MAST4: variants seen among roughly 807,000 people sequenced by gnomAD.
The protein encoded by MAST4 is microtubule associated serine/threonine kinase family member 4.
A neutral mutation model predicts 162.7 loss-of-function variants in MAST4; 89 were observed. The ratio of observed to expected loss-of-function variants is 0.55; its 90% CI spans 0.46 to 0.65. The LOEUF (loss-of-function observed/expected upper bound fraction) is 0.65, where lower values mean the gene tolerates loss of function less well. MAST4 is among the 30% of genes least tolerant of loss of function. The pLI, the probability that MAST4 is intolerant of heterozygous loss-of-function variation, is 0.00. For missense variants in MAST4, 3,153 were observed against 3,374.0 expected, an observed-to-expected ratio of 0.93 and a Z score of 1.62; for synonymous variants, 1,479 against 1,361.1, an observed-to-expected ratio of 1.09 and a Z score of -1.91.
chr5:66,886,868 C>T (rs1345141323), intron 3 of MAST4, among the ~76,000 whole-genome samples: 1 of 151,446 alleles, frequency 6.6e-6, no homozygotes, highest in Non-Finnish European at 1.5e-5. Flanking sequence ...ACCTTATGAA[C>T]ATTTTCTTAA....
intron 1 of MAST4, among the ~76,000 whole-genome samples, chr5:66,601,642 G>C (rs1235887515): frequency 6.6e-6 from 1 of 152,138 alleles, no homozygotes; most frequent in Non-Finnish European, 1.5e-5. Flanking sequence ...TGAAGCAGGA[G>C]AGAGCATGGG....
At chr5:66,896,600 G>GAAA (rs1434234487) in intron 3 of MAST4, among the ~76,000 whole-genome samples, 3 of 152,238 alleles carry the variant, frequency 2.0e-5, no homozygotes, top group Non-Finnish European at 4.4e-5. Context: ...GAAGCGTTCA[G>GAAA]AGATTCTCTA....
At chr5:66,955,058 T>C (rs1745142883) in intron 4 of MAST4, among the ~76,000 whole-genome samples, 1 of 151,220 alleles carries the variant, frequency 6.6e-6, no homozygotes, top group African/African-American at 2.4e-5. Context: ...ACACAAAAAT[T>C]AGCTGGGCAT....
chr5:66,879,379 T>C (rs563190180), intron 3 of MAST4, among the ~76,000 whole-genome samples: 305 of 151,072 alleles, frequency 2.0e-3, no homozygotes, highest in Non-Finnish European at 3.3e-3. Context: ...TATATATATA[T>C]ACATACACAA....
At chr5:66,743,208 C>T (rs2149576874) in intron 1 of MAST4, among the ~76,000 whole-genome samples, 1 of 152,304 alleles carries the variant, frequency 6.6e-6, no homozygotes, top group South Asian at 2.1e-4. Context: ...TTTCTTCTTT[C>T]TTTTGTTTTT....
At chr5:66,824,742 G>A (rs30730) in intron 3 of MAST4, among the ~76,000 whole-genome samples, 22,872 of 152,122 alleles carry the variant, frequency 0.15, 2,027 homozygotes, top group East Asian at 0.44. Context: ...AAACCTAGAT[G>A]GTATAGCCTA....
At chr5:67,056,863 T>C (rs1261890869) in intron 5 of MAST4, among the ~76,000 whole-genome samples, 4 of 126,826 alleles carry the variant, frequency 3.2e-5, no homozygotes, top group Non-Finnish European at 6.4e-5. Context: ...GCCCAGCTAA[T>C]TTTTTTTTTT....
chr5:66,720,526 C>T (rs577338863), intron 1 of MAST4, among the ~76,000 whole-genome samples: 1 of 152,106 alleles, frequency 6.6e-6, no homozygotes, highest in African/African-American at 2.4e-5. Flanking sequence ...ATTCTGTATA[C>T]TTGTATTAAA....
At chr5:67,050,664 TTTATGCCA>T (rs1561578601) in intron 4 of MAST4, among the ~76,000 whole-genome samples, 1 of 152,216 alleles carries the variant, frequency 6.6e-6, no homozygotes, top group African/African-American at 2.4e-5. Flanking sequence ...TAATCCATTG[TTTATGCCA>T]TTGTCTCAAG....
intron 2 of MAST4, among the ~76,000 whole-genome samples, chr5:66,771,333 C>T (rs573630880): frequency 5.9e-5 from 9 of 152,152 alleles, no homozygotes; most frequent in Middle Eastern, 3.4e-3. Flanking sequence ...TGCAGGCACC[C>T]GCCGCCACAC....
At chr5:66,811,468 A>G (rs1393374731) in intron 3 of MAST4, among the ~76,000 whole-genome samples, 1 of 152,212 alleles carries the variant, frequency 6.6e-6, no homozygotes, top group African/African-American at 2.4e-5. Flanking sequence ...AAGGTTGGGA[A>G]ATAGGTTCTT....
chr5:66,804,020 CT>C (rs1173238966), intron 3 of MAST4, among the ~76,000 whole-genome samples: 1 of 151,506 alleles, frequency 6.6e-6, no homozygotes. Context: ...CTATTAAGTG[CT>C]TTTTCTACAT....
At chr5:66,754,542 C>G (rs576443914) in intron 1 of MAST4, among the ~76,000 whole-genome samples, 1 of 152,016 alleles carries the variant, frequency 6.6e-6, no homozygotes, top group African/African-American at 2.4e-5. Context: ...CATGTGTTTT[C>G]TATTTTTTTC....
rs1408416478 is a variant in MAST4, at chr5:67,126,830, T to TG, written c.1746-3377dup. On this transcript the variant is annotated intron_variant, in intron 14 of 28. Transcript: ENST00000403625. ...ATAACATTGAATCTATAAATTGCTTTGGGCAGTATGGCCATTTTCACGATA... is the reference window on the plus strand; with the variant it reads ...ATAACATTGAATCTATAAATTGCTTTGGGGCAGTATGGCCATTTTCACGATA... Among the ~76,000 whole-genome samples, 3 of 152,354 alleles carry TG rather than the reference T, an allele frequency of 2.0e-5. No homozygotes were observed. The East Asian group carries it at 5.8e-4, about 29-fold the overall frequency.
intron 3 of MAST4, among the ~76,000 whole-genome samples, chr5:66,816,533 C>T (rs1756734905): frequency 6.6e-6 from 1 of 152,080 alleles, no homozygotes; most frequent in Non-Finnish European, 1.5e-5. Context: ...CTCTGCGAAC[C>T]TGGAAAGAGA....
chr5:66,617,743 C>T (rs886163477), intron 1 of MAST4, among the ~76,000 whole-genome samples: 1 of 152,116 alleles, frequency 6.6e-6, no homozygotes, highest in African/African-American at 2.4e-5. Context: ...CACAATCCAC[C>T]CCTCCGCATG....
In MAST4 at chr5:66,767,170, C is replaced by CGTTGT. The variant is rs1491178013; in HGVS notation, c.517+7310_517+7311insTGTGT. ...TGGTCACAGATGAATGTAAAGTGCA[C>CGTTGT]GTGTGTGTGTGTGTGTGTGTGTGTG... On this transcript the variant is annotated intron_variant, in intron 2 of 28. Transcript: ENST00000403625. Among the ~76,000 whole-genome samples, 269 of 139,562 alleles carry CGTTGT rather than the reference C, an allele frequency of 1.9e-3. 1 individual carries two copies. Among genetic ancestry groups the CGTTGT allele is most frequent in the South Asian group, 0.014 (55 of 3,976 alleles). 91.6% of individuals were successfully genotyped at this position (139,562 alleles called of 152,430 possible).
At chr5:67,102,496 G>T (rs1268854470) in intron 8 of MAST4, 40 bp from the exon 9 acceptor site, 5 of 1,564,812 alleles carry the variant, frequency 3.2e-6, no homozygotes, top group South Asian at 1.1e-5. Flanking sequence ...TTCATTTCAT[G>T]CTGTGGCAAG....
intron 4 of MAST4, among the ~76,000 whole-genome samples, chr5:66,947,887 A>G (rs910710948): frequency 1.3e-5 from 2 of 152,210 alleles, no homozygotes; most frequent in African/African-American, 4.8e-5. Context: ...TGACACTGAA[A>G]TTGGTGAAGA....
Sources: gnomAD v4.1 joint callset for allele counts (sites outside exome capture counted in the v4.1 genomes callset) on GRCh38, gnomAD v4.1.1 for gene constraint, MANE v1.5 for transcripts, NCBI Gene and HGNC (gene_info 2026-07-23, HGNC 2026-07-21) for gene names.